SETBP1: variants seen among roughly 807,000 people sequenced by gnomAD.
The protein encoded by SETBP1 is SET-binding protein.
A neutral mutation model predicts 101.0 loss-of-function variants in SETBP1; 9 were observed. The observed-to-expected ratio is 0.09, with a 90% confidence interval of 0.05 to 0.16. SETBP1 has a LOEUF of 0.16. Ranked by LOEUF, SETBP1 falls within the 10% of genes least tolerant of loss-of-function variation. The probability of loss-of-function intolerance (pLI) is 1.00; values close to 1 mark genes in which losing one functional copy is unlikely to be tolerated. For missense variants in SETBP1, 1,858 were observed against 2,033.8 expected (o/e 0.91, Z 1.66); for synonymous variants, 818 against 788.5 (o/e 1.04, Z -0.63).
chr18:44,765,349 A>T (rs1481167437), intron 2 of SETBP1, among the ~76,000 whole-genome samples: 2 of 152,120 alleles, frequency 1.3e-5, no homozygotes. Flanking sequence ...CTTTGGAACA[A>T]GATAGCGACA....
At chr18:44,896,438 GC>G (rs2069904515) in intron 3 of SETBP1, among the ~76,000 whole-genome samples, 1 of 152,072 alleles carries the variant, frequency 6.6e-6, no homozygotes, top group Non-Finnish European at 1.5e-5. Flanking sequence ...ATTCTTCTGT[GC>G]CTTGGCCCTT....
intron 2 of SETBP1, among the ~76,000 whole-genome samples, chr18:44,841,690 C>T (rs971805482): frequency 6.6e-6 from 1 of 152,156 alleles, no homozygotes; most frequent in African/African-American, 2.4e-5. Context: ...CCATCAATTA[C>T]CTTCTTCCTA....
At chr18:44,857,522 G>A (rs923536781) in intron 2 of SETBP1, among the ~76,000 whole-genome samples, 1 of 145,902 alleles carries the variant, frequency 6.9e-6, no homozygotes, top group Non-Finnish European at 1.5e-5. Flanking sequence ...GTCTGCAAAA[G>A]TGAACATTGC....
intron 3 of SETBP1, among the ~76,000 whole-genome samples, chr18:44,901,159 C>A (rs2070036602): frequency 6.6e-6 from 1 of 152,136 alleles, no homozygotes; most frequent in Non-Finnish European, 1.5e-5. Flanking sequence ...GGGGAATTAG[C>A]CAACTCTTGC....
chr18:44,836,261 C>T (rs556843222), intron 2 of SETBP1, among the ~76,000 whole-genome samples: 1 of 152,248 alleles, frequency 6.6e-6, no homozygotes, highest in African/African-American at 2.4e-5. Context: ...AGTCAAATTT[C>T]CATTATTTTC....
rs1410147454 is a variant in SETBP1, at chr18:45,066,623, G to C, written c.*2925G>C. The stretch of plus-strand genomic sequence containing the variant: ...AAGAAAACCCAGCTCTCCCAACCCT[G>C]ATCGTGGAGGTCTCTGGCCCCCCAA... On this transcript the variant is annotated 3_prime_UTR_variant, in exon 6 of 6. Transcript: ENST00000649279. 1 of 150,632 alleles carries C rather than the reference G, an allele frequency of 6.6e-6. No homozygotes were observed. The allele number at this position is 150,632 out of a possible 1,614,324, so 9.3% of individuals were successfully genotyped here. A position where few individuals can be genotyped will look rare whatever the true frequency, so the allele number is the denominator to read the frequency against.
chr18:44,794,360 C>T (rs1290293232), intron 2 of SETBP1, among the ~76,000 whole-genome samples: 1 of 152,184 alleles, frequency 6.6e-6, no homozygotes, highest in Non-Finnish European at 1.5e-5. Flanking sequence ...CTGCACCCCA[C>T]CACCAAGAGG....
intron 4 of SETBP1, among the ~76,000 whole-genome samples, chr18:44,997,240 A>G (rs1207953727): frequency 2.0e-5 from 3 of 151,998 alleles, no homozygotes; most frequent in African/African-American, 7.3e-5. Context: ...TGTAGATATC[A>G]CTCATAGGGA....
chr18:44,931,865 C>A (rs1222522206), intron 3 of SETBP1, among the ~76,000 whole-genome samples: 2 of 152,162 alleles, frequency 1.3e-5, no homozygotes, highest in African/African-American at 4.8e-5. Context: ...CTGAATATAG[C>A]ACACTGATGG....
At chr18:45,039,546 G>GT (rs1301357823) in intron 5 of SETBP1, among the ~76,000 whole-genome samples, 1 of 152,164 alleles carries the variant, frequency 6.6e-6, no homozygotes. Flanking sequence ...CTTCTCCCAT[G>GT]TAACAAAATT....
intron 4 of SETBP1, among the ~76,000 whole-genome samples, chr18:44,990,439 A>G (rs1568013334): frequency 6.6e-6 from 1 of 152,116 alleles, no homozygotes; most frequent in Non-Finnish European, 1.5e-5. Context: ...ACAAAAATAA[A>G]AGATTAGCTA....
intron 4 of SETBP1, among the ~76,000 whole-genome samples, chr18:44,971,678 T>A (rs1032472062): frequency 2.6e-5 from 4 of 152,248 alleles, no homozygotes; most frequent in Non-Finnish European, 5.9e-5. Flanking sequence ...TATCTTCTTT[T>A]GAGAAGTGTC....
chr18:45,030,479 G>T (rs1188715958), intron 4 of SETBP1, among the ~76,000 whole-genome samples: 14 of 134,628 alleles, frequency 1.0e-4, no homozygotes, highest in South Asian at 1.0e-3. Context: ...TCTCTTTTTT[G>T]GTTGTGTCTC....
intron 3 of SETBP1, among the ~76,000 whole-genome samples, chr18:44,914,208 G>A (rs1462084521): frequency 6.6e-6 from 1 of 152,184 alleles, no homozygotes; most frequent in African/African-American, 2.4e-5. Flanking sequence ...GTAAACTGCA[G>A]TGTCGTGAGT....
intron 4 of SETBP1, among the ~76,000 whole-genome samples, chr18:45,029,145 G>A (rs965616174): frequency 7.1e-4 from 108 of 152,274 alleles, no homozygotes; most frequent in Non-Finnish European, 1.5e-3. Context: ...ATGGTTTTAG[G>A]TCTAACATGT....
At chr18:45,019,158 G>A (rs1188085517) in intron 4 of SETBP1, among the ~76,000 whole-genome samples, 1 of 152,134 alleles carries the variant, frequency 6.6e-6, no homozygotes, top group Admixed American at 6.5e-5. Flanking sequence ...TTTTTGGCTT[G>A]ACAAAAGGGC....
intron 5 of SETBP1, among the ~76,000 whole-genome samples, chr18:45,041,399 C>T (rs1288880312): frequency 1.3e-5 from 2 of 152,154 alleles, no homozygotes; most frequent in African/African-American, 4.8e-5. Flanking sequence ...GATGAAACAA[C>T]TCACTTGATT....
intron 1 of SETBP1, among the ~76,000 whole-genome samples, chr18:44,684,875 G>T (rs2068811969): frequency 6.6e-6 from 1 of 152,088 alleles, no homozygotes. Context: ...TTGAACTCCG[G>T]ACATCAGGTG....
intron 2 of SETBP1, among the ~76,000 whole-genome samples, chr18:44,707,324 TGA>T: frequency 6.6e-6 from 1 of 152,370 alleles, no homozygotes; most frequent in Admixed American, 6.5e-5. Flanking sequence ...TCCATGGTTT[TGA>T]GAGAGTGTTC....
Sources: allele counts gnomAD v4.1 joint callset (sites outside exome capture counted in the v4.1 genomes callset), GRCh38; gene constraint gnomAD v4.1.1; transcripts MANE v1.5; gene names NCBI Gene and HGNC (gene_info 2026-07-23, HGNC 2026-07-21).